FER: variants seen among roughly 807,000 people sequenced by gnomAD.
FER encodes tyrosine-protein kinase Fer.
A neutral mutation model predicts 111.0 loss-of-function variants in FER; 63 were observed. The ratio of observed to expected loss-of-function variants is 0.57; its 90% CI spans 0.46 to 0.70. FER has a LOEUF of 0.70. Ranked by LOEUF, FER falls within the 30% of genes least tolerant of loss-of-function variation. FER has a pLI of 0.00. For missense variants in FER, 914 were observed against 954.0 expected (o/e 0.96, Z 0.55); for synonymous variants, 327 against 313.9 (o/e 1.04, Z -0.44).
chr5:109,015,768 C>G (rs950742686), intron 13 of FER, among the ~76,000 whole-genome samples: 1 of 152,002 alleles, frequency 6.6e-6, no homozygotes, highest in Admixed American at 6.6e-5. Flanking sequence ...GTAAATTAAG[C>G]CTTTTTTCAA....
intron 16 of FER, chr5:109,052,356 G>T: frequency 1.9e-6 from 3 of 1,587,944 alleles, no homozygotes; most frequent in Non-Finnish European, 2.6e-6. Context: ...TCAGCAGCAG[G>T]ATTTGGAAAA....
At chr5:108,928,729 T>C (rs1754139716) in intron 10 of FER, among the ~76,000 whole-genome samples, 1 of 151,580 alleles carries the variant, frequency 6.6e-6, no homozygotes, top group Non-Finnish European at 1.5e-5. Context: ...ATATAAACTG[T>C]TTAATATATG....
intron 3 of FER, among the ~76,000 whole-genome samples, chr5:108,827,856 T>G (rs1044632204): frequency 7.2e-6 from 1 of 139,370 alleles, no homozygotes; most frequent in East Asian, 2.1e-4. Flanking sequence ...CAAGACAGGC[T>G]CTTGCTCTGT....
In FER at chr5:109,030,487, C is replaced by A. The variant is rs146853501; in HGVS notation, c.1657-6935C>A. 7.6e-3 allele frequency among the ~76,000 whole-genome samples: 1,152 copies of A among 152,194 alleles called. 11 individuals are homozygous for A. Among genetic ancestry groups the A allele is most frequent in the African/African-American group, 0.027 (1,125 of 41,524 alleles). On this transcript the variant is annotated intron_variant, in intron 13 of 19. Transcript: ENST00000281092. Reference sequence around the variant, plus strand: ...TTTAGGTTTAGCAGGTAGGGCCTGGCCTGCTTTAAATGGTTTCAATGACAG... The same window carrying A: ...TTTAGGTTTAGCAGGTAGGGCCTGGACTGCTTTAAATGGTTTCAATGACAG...
chr5:109,168,105 T>C (rs1350281237), intron 17 of FER, among the ~76,000 whole-genome samples: 1 of 152,196 alleles, frequency 6.6e-6, no homozygotes, highest in African/African-American at 2.4e-5. Flanking sequence ...AGGAGACATA[T>C]TCATACAATA....
At chr5:108,860,245 C>CT (rs1370321448) in intron 5 of FER, among the ~76,000 whole-genome samples, 11 of 141,692 alleles carry the variant, frequency 7.8e-5, no homozygotes, top group Admixed American at 4.2e-4. Flanking sequence ...CTGGCCATAC[C>CT]TATTTTTGTT....
chr5:108,812,082 T>A (rs1757823805), intron 3 of FER, among the ~76,000 whole-genome samples: 1 of 152,208 alleles, frequency 6.6e-6, no homozygotes. Context: ...TCTTTACTCA[T>A]GTTTGTCTAC....
chr5:109,057,410 C>G (rs1773789786), intron 16 of FER, among the ~76,000 whole-genome samples: 1 of 152,076 alleles, frequency 6.6e-6, no homozygotes, highest in Non-Finnish European at 1.5e-5. Context: ...ACTGAAATTA[C>G]TAATATGAAG....
intron 10 of FER, among the ~76,000 whole-genome samples, chr5:108,913,378 TA>T (rs1389657388): frequency 6.6e-6 from 1 of 152,168 alleles, no homozygotes; most frequent in Non-Finnish European, 1.5e-5. Flanking sequence ...AGCTAATGTA[TA>T]GGGGTAAATT....
rs560493718 is a variant in FER at position 109,051,600 on chromosome 5, C to G, written c.1924+4402C>G. The G allele has an allele frequency of 1.6e-5, 25 of 1,604,814 alleles. 1 individual carries two copies. In the South Asian group the frequency reaches 2.8e-4, roughly 18 times the overall value. On this transcript the variant is annotated intron_variant, in intron 16 of 19. Transcript: ENST00000281092. ...AATTGTTTCTGTCGCCATTAACCAGCTTGTACCCAGGAAGAGACATAGGCG... is the reference window on the plus strand; with the variant it reads ...AATTGTTTCTGTCGCCATTAACCAGGTTGTACCCAGGAAGAGACATAGGCG...
At chr5:108,767,422 A>G (rs1228146571) in intron 1 of FER, among the ~76,000 whole-genome samples, 3 of 152,214 alleles carry the variant, frequency 2.0e-5, no homozygotes, top group Non-Finnish European at 4.4e-5. Flanking sequence ...TATGTACTTA[A>G]TTACTACTTT....
chr5:108,977,981 G>C (rs1343252190), intron 13 of FER, among the ~76,000 whole-genome samples: 1 of 152,098 alleles, frequency 6.6e-6, no homozygotes, highest in Non-Finnish European at 1.5e-5. Context: ...GAGGTAGCTG[G>C]GACCACTGAT....
intron 17 of FER, among the ~76,000 whole-genome samples, chr5:109,169,729 C>A (rs1010896709): frequency 8.5e-5 from 13 of 152,096 alleles, no homozygotes; most frequent in Non-Finnish European, 1.3e-4. Flanking sequence ...TGATGATATG[C>A]CAGATGAAGA....
chr5:108,880,787 A>T (rs1765600181), intron 8 of FER, among the ~76,000 whole-genome samples: 1 of 152,096 alleles, frequency 6.6e-6, no homozygotes. Flanking sequence ...ACTCTCGATC[A>T]TTATTATAAG....
chr5:109,031,196 G>T (rs1769555217), intron 13 of FER, among the ~76,000 whole-genome samples: 1 of 152,022 alleles, frequency 6.6e-6, no homozygotes, highest in Non-Finnish European at 1.5e-5. Flanking sequence ...TGGCTATGTT[G>T]GGAGTCAAAC....
At chr5:108,899,794 C>T (rs1749741441) in intron 10 of FER, among the ~76,000 whole-genome samples, 1 of 147,810 alleles carries the variant, frequency 6.8e-6, no homozygotes, top group African/African-American at 2.5e-5. Flanking sequence ...AAGGGCAAGA[C>T]TCCATCTCAA....
At chr5:108,847,660 A>G (rs1762152610) in intron 5 of FER, among the ~76,000 whole-genome samples, 1 of 152,148 alleles carries the variant, frequency 6.6e-6, no homozygotes, top group Non-Finnish European at 1.5e-5. Flanking sequence ...TAGTTCTATC[A>G]GTTTTTACTT....
rs1254477661 is a variant in FER at position 109,180,833 on chromosome 5, G to A, written c.2135G>A (p.Gly712Glu). The change falls in exon 18 of 20, where the codon GGA becomes GAA. Residue 712 changes from glycine to glutamate, a missense_variant. Physicochemically the swap from Gly to Glu is moderately conservative, Grantham distance 98. Coordinates refer to ENST00000281092, the MANE Select transcript of FER (RefSeq NM_005246.4). ...DFGMSRQEDG[G>E]VYSSSGLKQI... ...GGAATGTCTCGTCAAGAGGATGGTG[G>A]AGTGTATTCATCTTCTGGCTTAAAG... 2 of 1,613,588 alleles carry A rather than the reference G, an allele frequency of 1.2e-6. No homozygotes were observed. Among genetic ancestry groups the A allele is most frequent in the Non-Finnish European group, 1.7e-6 (2 of 1,179,704 alleles).
intron 8 of FER, among the ~76,000 whole-genome samples, chr5:108,873,734 C>T (rs1764829685): frequency 6.6e-6 from 1 of 152,074 alleles, no homozygotes; most frequent in African/African-American, 2.4e-5. Flanking sequence ...TAGTCCTTGC[C>T]CTGGGTGATT....
Sources: allele counts gnomAD v4.1 joint callset (sites outside exome capture counted in the v4.1 genomes callset), GRCh38; gene constraint gnomAD v4.1.1; transcripts MANE v1.5; gene names NCBI Gene and HGNC (gene_info 2026-07-23, HGNC 2026-07-21).